TPD52: variants seen among roughly 807,000 people sequenced by gnomAD.
The protein encoded by TPD52 is prostate and colon associated protein.
In TPD52, 17 loss-of-function variants were observed where a neutral mutation model predicts 31.3. That is an observed-to-expected ratio of 0.54 (90% CI 0.37 to 0.82). The LOEUF is 0.82. TPD52 is among the 40% of genes least tolerant of loss of function. The pLI, the probability that TPD52 is intolerant of heterozygous loss-of-function variation, is 0.00. For missense variants in TPD52, 212 were observed against 240.1 expected (o/e 0.88, Z 0.77); for synonymous variants, 83 against 89.6 (o/e 0.93, Z 0.42).
chr8:80,131,038 A>G (rs908457551), intron 1 of TPD52, among the ~76,000 whole-genome samples: 1 of 152,320 alleles, frequency 6.6e-6, no homozygotes, highest in East Asian at 1.9e-4. Flanking sequence ...AATTGTTAAA[A>G]TGTGGGTGGG....
chr8:80,053,089 G>A, intron 3 of TPD52, 193 bp downstream of exon 3: 1 of 506,810 alleles, frequency 2.0e-6, no homozygotes, highest in East Asian at 3.5e-5. Context: ...CTATTCCTTA[G>A]AATAAGTGGT....
At chr8:80,137,146 TAA>T (rs1253451799) in intron 1 of TPD52, among the ~76,000 whole-genome samples, 1 of 152,174 alleles carries the variant, frequency 6.6e-6, no homozygotes, top group East Asian at 1.9e-4. Context: ...AGGTTGCTAT[TAA>T]AAAGAGTAAT....
rs368480127 is a variant in TPD52 at position 80,077,274 on chromosome 8, CAAA to C, written c.20-12684_20-12682del. ...TGGGCGACAGAGCAAGACTCTGTCT[CAAA>C]AAAAAAAAAAAAAAATTCTTAAGAG... On this transcript the variant is annotated intron_variant, in intron 1 of 7. Coordinates refer to ENST00000518937, the MANE Select transcript of TPD52 (RefSeq NM_001025253.3). 6.0e-4 allele frequency among the ~76,000 whole-genome samples: 70 copies of C among 116,362 alleles called. No individual in the cohort carries two copies. In the East Asian group the frequency reaches 9.3e-3, roughly 16 times the overall value. 76.3% of individuals were successfully genotyped at this position (116,362 alleles called of 152,430 possible).
chr8:80,077,146 G>A (rs1325720030), intron 1 of TPD52, among the ~76,000 whole-genome samples: 1 of 151,888 alleles, frequency 6.6e-6, no homozygotes, highest in East Asian at 1.9e-4. Flanking sequence ...GTGGTGACGC[G>A]CACCTATAGT....
chr8:80,136,163 A>AT (rs202190143), intron 1 of TPD52, among the ~76,000 whole-genome samples: 1 of 139,062 alleles, frequency 7.2e-6, no homozygotes, highest in African/African-American at 2.8e-5. Context: ...AAAAAAAAAA[A>AT]TTTCAGTCTT....
chr8:80,095,490 C>T (rs940485669), intron 1 of TPD52, among the ~76,000 whole-genome samples: 3 of 152,040 alleles, frequency 2.0e-5, no homozygotes, highest in African/African-American at 4.8e-5. Flanking sequence ...CTGGACAACA[C>T]TAATAAAAAC....
chr8:80,127,116 A>T (rs907931601), intron 1 of TPD52, among the ~76,000 whole-genome samples: 2 of 152,140 alleles, frequency 1.3e-5, no homozygotes, highest in Non-Finnish European at 2.9e-5. Flanking sequence ...GTCTCAAAAA[A>T]AAAAAAGAAG....
chr8:80,153,453 T>A (rs905826853), intron 1 of TPD52, among the ~76,000 whole-genome samples: 1 of 152,154 alleles, frequency 6.6e-6, no homozygotes, highest in East Asian at 1.9e-4. Flanking sequence ...CCACATCTCA[T>A]CATTGCCCTC....
chr8:80,143,115 G>A (rs1809953832), intron 1 of TPD52, among the ~76,000 whole-genome samples: 2 of 152,162 alleles, frequency 1.3e-5, no homozygotes, highest in South Asian at 2.1e-4. Context: ...CCTACTTCAT[G>A]GACTCTCACA....
chr8:80,086,423 T>C (rs1475296261), intron 1 of TPD52, among the ~76,000 whole-genome samples: 4 of 151,574 alleles, frequency 2.6e-5, no homozygotes, highest in African/African-American at 9.7e-5. Context: ...GACCGGAAGG[T>C]TCTAGTTTTT....
At chr8:80,115,196 C>A (rs1255914827) in intron 1 of TPD52, among the ~76,000 whole-genome samples, 1 of 152,146 alleles carries the variant, frequency 6.6e-6, no homozygotes, top group Non-Finnish European at 1.5e-5. Flanking sequence ...GAAGCCCAGG[C>A]CGACTGGAGA....
intron 1 of TPD52, among the ~76,000 whole-genome samples, chr8:80,154,752 C>CACAA (rs1554595109): frequency 7.2e-6 from 1 of 139,374 alleles, no homozygotes; most frequent in African/African-American, 2.8e-5. Flanking sequence ...CACACACACA[C>CACAA]AAAACACCTA....
At chr8:80,042,227 C>T (rs1185394277) in intron 7 of TPD52, 1 of 985,248 alleles carries the variant, frequency 1.0e-6, no homozygotes, top group Admixed American at 6.1e-5. Context: ...ACATCTATCA[C>T]TGTCTGAGTG....
rs139796343 is a variant in TPD52, at chr8:80,168,461, T to C, written c.19+2964A>G. On this transcript the variant is annotated intron_variant, in intron 1 of 7. Transcript: ENST00000518937. ...AAAACTCCATGTACATTAAAAACTA[T>C]TAAAAGTTCAACAAATCCTAAAATT... Among the ~76,000 whole-genome samples the C allele has an allele frequency of 4.7e-3, 710 of 152,326 alleles. 6 individuals carry two copies. The highest frequency in any genetic ancestry group is 0.016 in the African/African-American group (655 of 41,570).
At chr8:80,149,040 T>C (rs527518071) in intron 1 of TPD52, among the ~76,000 whole-genome samples, 7 of 152,238 alleles carry the variant, frequency 4.6e-5, no homozygotes, top group Admixed American at 3.3e-4. Context: ...TACAGCCTCA[T>C]ATAAAAGAAA....
intron 7 of TPD52, among the ~76,000 whole-genome samples, chr8:80,041,178 A>G (rs902386950): frequency 6.6e-6 from 1 of 152,220 alleles, no homozygotes; most frequent in African/African-American, 2.4e-5. Context: ...GCATTAGGAG[A>G]AATACCTAAT....
chr8:80,060,018 C>G (rs762517318), intron 2 of TPD52, among the ~76,000 whole-genome samples: 23 of 150,786 alleles, frequency 1.5e-4, no homozygotes, highest in Non-Finnish European at 2.8e-4. Flanking sequence ...GAGGCAGAGG[C>G]TGCAGTGTGC....
At chr8:80,054,238 G>A (rs1811644690) in intron 2 of TPD52, among the ~76,000 whole-genome samples, 1 of 152,170 alleles carries the variant, frequency 6.6e-6, no homozygotes, top group Non-Finnish European at 1.5e-5. Flanking sequence ...AAGAAGCCTT[G>A]AGGTATAGGT....
At chr8:80,143,459 T>C (rs1171053676) in intron 1 of TPD52, among the ~76,000 whole-genome samples, 1 of 152,238 alleles carries the variant, frequency 6.6e-6, no homozygotes, top group Non-Finnish European at 1.5e-5. Flanking sequence ...TACATTTCTC[T>C]TTGACCAAAA....
Sources: allele counts gnomAD v4.1 joint callset (sites outside exome capture counted in the v4.1 genomes callset), GRCh38; gene constraint gnomAD v4.1.1; transcripts MANE v1.5; gene names NCBI Gene and HGNC (gene_info 2026-07-23, HGNC 2026-07-21).